The following CDKL3 variants were observed in gnomAD, a reference collection of about 807,000 sequenced individuals.
The protein encoded by CDKL3 is cyclin-dependent kinase-like 3.
CDKL3 carries 65 observed loss-of-function variants against 69.3 expected under a neutral mutation model. That is an observed-to-expected ratio of 0.94 (90% CI 0.77 to 1.15). The LOEUF is 1.15. Ranked by LOEUF, CDKL3 falls within the 50% of genes most tolerant of loss-of-function variation. CDKL3 has a pLI of 0.00. For missense variants in CDKL3, 652 were observed against 689.2 expected, an observed-to-expected ratio of 0.95 and a Z score of 0.61; for synonymous variants, 202 against 221.6, an observed-to-expected ratio of 0.91 and a Z score of 0.79.
intron 4 of CDKL3, among the ~76,000 whole-genome samples, chr5:134,346,530 C>T (rs1751918857): frequency 6.6e-6 from 1 of 152,170 alleles, no homozygotes; most frequent in African/African-American, 2.4e-5. Flanking sequence ...GAGTTTCGCT[C>T]TTGTTGCCCA....
intron 3 of CDKL3, among the ~76,000 whole-genome samples, chr5:134,350,829 AAG>A (rs1433455376): frequency 6.9e-6 from 1 of 145,180 alleles, no homozygotes; most frequent in African/African-American, 2.7e-5. Context: ...AAAGAAAAAA[AAG>A]AAAAAAAAAA....
intron 4 of CDKL3, among the ~76,000 whole-genome samples, chr5:134,344,934 A>G (rs1751455743): frequency 6.6e-6 from 1 of 151,962 alleles, no homozygotes; most frequent in African/African-American, 2.4e-5. Flanking sequence ...GTGTGGTGCC[A>G]TGCGCCTGTA....
intron 5 of CDKL3, 134 bp downstream of exon 5, chr5:134,321,657 C>T (rs1772826891): frequency 3.6e-6 from 2 of 561,976 alleles, no homozygotes; most frequent in Non-Finnish European, 6.4e-6. Context: ...CCCAAGGAAC[C>T]CATCTGCTGC....
Position 134,321,836 on chromosome 5 carries a change from T to G in CDKL3, c.607A>C (p.Ser203Arg). 1 of 1,612,310 alleles carries G rather than the reference T, an allele frequency of 6.2e-7. No homozygotes were observed. Among genetic ancestry groups the G allele is most frequent in the South Asian group, 1.1e-5 (1 of 90,954 alleles). ...TGGAGTAAATCCAAATCAGAACTAC[T>G]AGGAAGATAGGGATTTCCAGTGGCC... is the stretch of plus-strand genomic sequence containing the variant. ...EMATGNPYLP[S>R]SSDLDLLHKI... The change falls in exon 5 of 13, where the codon AGT becomes CGT. Residue 203 changes from serine to arginine, a missense_variant. Coordinates refer to ENST00000265334, the MANE Select transcript of CDKL3 (RefSeq NM_001113575.2).
At chr5:134,364,419 T>C (rs558665888) in intron 2 of CDKL3, among the ~76,000 whole-genome samples, 1 of 152,352 alleles carries the variant, frequency 6.6e-6, no homozygotes, top group Admixed American at 6.5e-5. Flanking sequence ...CATGTCTCTT[T>C]TGAGTCTTTC....
intron 12 of CDKL3, chr5:134,302,261 C>T (rs1766537723): frequency 4.3e-6 from 2 of 460,674 alleles, no homozygotes; most frequent in African/African-American, 4.0e-5. Context: ...GACACACATG[C>T]TTGTGGCCAT....
chr5:134,371,408 C>CGGCGGAG (rs1032528497), upstream of CDKL3: 27 of 745,452 alleles, frequency 3.6e-5, no homozygotes, highest in Middle Eastern at 3.9e-4. Flanking sequence ...ACTGTGGTAG[C>CGGCGGAG]GGCGGAGGGC....
intron 7 of CDKL3, among the ~76,000 whole-genome samples, chr5:134,309,471 T>C (rs1254345647): frequency 6.6e-6 from 1 of 152,218 alleles, no homozygotes; most frequent in African/African-American, 2.4e-5. Context: ...TACCTTCATA[T>C]TGGAGAGAGA....
upstream of CDKL3, chr5:134,371,611 C>A (rs1758422610): frequency 1.5e-5 from 25 of 1,613,064 alleles, no homozygotes; most frequent in East Asian, 5.6e-4. Context: ...GACCCCGGCC[C>A]GGAGGAGGCT....
chr5:134,302,289 C>T (rs1173303248), intron 12 of CDKL3: 1 of 457,984 alleles, frequency 2.2e-6, no homozygotes, highest in Non-Finnish European at 4.3e-6. Context: ...TATATTTATA[C>T]CATTATTCAT....
At chr5:134,349,761 A>G (rs1294358606) in intron 4 of CDKL3, among the ~76,000 whole-genome samples, 1 of 152,178 alleles carries the variant, frequency 6.6e-6, no homozygotes, top group East Asian at 1.9e-4. Context: ...GTAGCCAGCA[A>G]TGCAGGTACC....
chr5:134,309,035 A>C (rs1330230990), intron 7 of CDKL3, among the ~76,000 whole-genome samples: 1 of 152,214 alleles, frequency 6.6e-6, no homozygotes, highest in Non-Finnish European at 1.5e-5. Context: ...AATTTTGATA[A>C]AGATACTGTT....
At chr5:134,285,134 G>A (rs559118497), downstream of CDKL3, among the ~76,000 whole-genome samples, 15 of 152,292 alleles carry the variant, frequency 9.8e-5, no homozygotes, top group East Asian at 3.9e-4. Flanking sequence ...CTGACTTCCC[G>A]TAACAAGTGA....
chr5:134,357,273 G>T (rs999204054), intron 3 of CDKL3, among the ~76,000 whole-genome samples: 1 of 151,914 alleles, frequency 6.6e-6, no homozygotes, highest in East Asian at 1.9e-4. Flanking sequence ...GTGAAACCCC[G>T]TCTCTACTAA....
intron 12 of CDKL3, chr5:134,299,550 G>T: frequency 8.4e-7 from 1 of 1,195,006 alleles, no homozygotes; most frequent in South Asian, 2.6e-5. Context: ...ACAAATTTAG[G>T]TGAATGTACA....
At chr5:134,367,541 T>C (rs1440853597), upstream of CDKL3, among the ~76,000 whole-genome samples, 1 of 151,182 alleles carries the variant, frequency 6.6e-6, no homozygotes, top group East Asian at 1.9e-4. Flanking sequence ...GCCCGGATAA[T>C]TTTGTATTTT....
In CDKL3 at chr5:134,306,633, C is replaced by A. The variant is rs1285940368; in HGVS notation, c.1434G>T (p.Arg478Ser). 1 of 1,595,620 alleles carries A rather than the reference C, an allele frequency of 6.3e-7. No homozygotes were observed. Among genetic ancestry groups the A allele is most frequent in the African/African-American group, 1.4e-5 (1 of 73,260 alleles). Residue 478 changes from arginine (R) to serine (S), a missense_variant, in exon 10 of 13, where the codon AGG becomes AGT. By Grantham distance (110) the Arg-to-Ser change is moderately radical. Transcript: ENST00000265334. ...CTTGAATAGGACCTGGATCCTCTTGCCTGCTATTAGGCATAACTTGTCCAA... is the reference window on the plus strand; with the variant it reads ...CTTGAATAGGACCTGGATCCTCTTGACTGCTATTAGGCATAACTTGTCCAA... Reference protein sequence around the residue: ...QSIGQVMPNSRQEDPGPIQSQ... With the variant: ...QSIGQVMPNSSQEDPGPIQSQ...
chr5:134,332,405 T>C (rs191060622), intron 4 of CDKL3, among the ~76,000 whole-genome samples: 1,596 of 152,288 alleles, frequency 0.01, 18 homozygotes, highest in Non-Finnish European at 0.013. Context: ...TAGGTTTTCT[T>C]TTAGGGTTTT....
At chr5:134,298,881 G>A (rs1765612975) in intron 12 of CDKL3, among the ~76,000 whole-genome samples, 171 bp from the exon 13 acceptor site, 1 of 150,578 alleles carries the variant, frequency 6.6e-6, no homozygotes, top group African/African-American at 2.4e-5. Flanking sequence ...CTTTTTTTTT[G>A]CGGGGGGCAG....
Sources: allele counts gnomAD v4.1 joint callset (sites outside exome capture counted in the v4.1 genomes callset), GRCh38; gene constraint gnomAD v4.1.1; transcripts MANE v1.5; gene names NCBI Gene and HGNC (gene_info 2026-07-23, HGNC 2026-07-21).